The following NEGR1 variants were observed in gnomAD, a reference collection of about 807,000 sequenced individuals.
NEGR1 encodes the protein IgLON family member 4.
NEGR1 carries 10 observed loss-of-function variants against 40.9 expected under a neutral mutation model. That is an observed-to-expected ratio of 0.24 (90% CI 0.15 to 0.42). NEGR1 has a LOEUF of 0.42. Ranked by LOEUF, NEGR1 falls within the 10% of genes least tolerant of loss-of-function variation. The pLI, the probability that NEGR1 is intolerant of heterozygous loss-of-function variation, is 1.00. For synonymous variants in NEGR1, 185 were observed against 166.8 expected, an observed-to-expected ratio of 1.11 and a Z score of -0.84; for missense variants, 352 against 438.9, an observed-to-expected ratio of 0.80 and a Z score of 1.77.
intron 2 of NEGR1, among the ~76,000 whole-genome samples, chr1:71,903,897 C>T (rs777263548): frequency 6.6e-6 from 1 of 151,726 alleles, no homozygotes; most frequent in Non-Finnish European, 1.5e-5. Flanking sequence ...AATGCTATTA[C>T]TTGACTTTAA....
At position 72,016,115 on chromosome 1, in the gene NEGR1, T is replaced by C. The variant is rs563730471; in HGVS notation, c.177-80804A>G. ...TTTTTAACTTAATTTTTTTTTGTTG[T>C]TCAGTCACTGATAGGTTTGAATCCC... On this transcript the variant is annotated intron_variant, in intron 1 of 6. Transcript: ENST00000357731. 3.3e-5 allele frequency among the ~76,000 whole-genome samples: 5 copies of C among 152,274 alleles called. 1 individual carries two copies. In the South Asian group the frequency reaches 1.0e-3, roughly 32 times the overall value.
At chr1:71,999,862 C>T (rs988813582) in intron 1 of NEGR1, among the ~76,000 whole-genome samples, 2 of 150,662 alleles carry the variant, frequency 1.3e-5, no homozygotes, top group Admixed American at 6.7e-5. Context: ...GAACATTTTG[C>T]TTCTATTTTC....
At chr1:72,173,158 C>T (rs1652024409) in intron 1 of NEGR1, among the ~76,000 whole-genome samples, 1 of 150,892 alleles carries the variant, frequency 6.6e-6, no homozygotes, top group South Asian at 2.1e-4. Flanking sequence ...AGGTGTGTGC[C>T]AGCACACCTG....
intron 1 of NEGR1, among the ~76,000 whole-genome samples, chr1:72,139,695 G>A (rs1462461234): frequency 1.3e-5 from 2 of 152,014 alleles, no homozygotes; most frequent in Non-Finnish European, 2.9e-5. Flanking sequence ...AAGTCGATCA[G>A]TGTTTAACTG....
chr1:71,751,062 T>A (rs374860598), intron 3 of NEGR1, among the ~76,000 whole-genome samples: 45 of 152,188 alleles, frequency 3.0e-4, no homozygotes, highest in African/African-American at 1.0e-3. Flanking sequence ...ATATTTGGTA[T>A]GAATCTATCA....
chr1:72,157,388 C>T (rs1651399932), intron 1 of NEGR1, among the ~76,000 whole-genome samples: 1 of 152,134 alleles, frequency 6.6e-6, no homozygotes, highest in Admixed American at 6.6e-5. Flanking sequence ...ATAAAAGATA[C>T]ATTTAGTATA....
intron 4 of NEGR1, among the ~76,000 whole-genome samples, chr1:71,664,004 A>G (rs1400544045): frequency 1.3e-5 from 2 of 152,156 alleles, no homozygotes; most frequent in East Asian, 3.9e-4. Flanking sequence ...ACGTGCTGGG[A>G]TCCTTAAATG....
intron 1 of NEGR1, among the ~76,000 whole-genome samples, chr1:71,978,498 A>C (rs1358788690): frequency 6.6e-6 from 1 of 152,110 alleles, no homozygotes; most frequent in Admixed American, 6.6e-5. Flanking sequence ...GCTACCTAAC[A>C]ACTACCAAAC....
chr1:72,080,829 A>G (rs1021285470), intron 1 of NEGR1, among the ~76,000 whole-genome samples: 48 of 152,242 alleles, frequency 3.2e-4, no homozygotes, highest in African/African-American at 1.1e-3. Context: ...AATTGTATGT[A>G]TACTCAAATT....
rs1475341609 is a variant in NEGR1 at position 71,688,325 on chromosome 1, T to TATATATAGATAGATAG, written c.667+9682_667+9683insCTATCTATCTATATAT. Among the ~76,000 whole-genome samples the TATATATAGATAGATAG allele has an allele frequency of 1.9e-5, 2 of 103,234 alleles. 1 individual carries two copies. Among genetic ancestry groups the TATATATAGATAGATAG allele is most frequent in the Non-Finnish European group, 3.8e-5 (2 of 52,460 alleles). 67.7% of individuals were successfully genotyped at this position (103,234 alleles called of 152,430 possible). A position where few individuals can be genotyped will look rare whatever the true frequency, so the allele number is the denominator to read the frequency against. On this transcript the variant is annotated intron_variant, in intron 4 of 6. Transcript: ENST00000357731. Reference sequence around the variant, plus strand: ...TTCCCTTTTCATATATATATATATATATAGATAGATAGATAGATAGATAGA... The same window carrying TATATATAGATAGATAG: ...TTCCCTTTTCATATATATATATATATATATATAGATAGATAGATAGATAGATAGATAGATAGATAGA...
At chr1:72,119,359 T>C (rs144446074) in intron 1 of NEGR1, among the ~76,000 whole-genome samples, 30 of 152,050 alleles carry the variant, frequency 2.0e-4, no homozygotes, top group African/African-American at 7.0e-4. Context: ...TTTTCTTTTG[T>C]TTCTAATTGA....
chr1:72,066,376 C>T (rs1647272280), intron 1 of NEGR1, among the ~76,000 whole-genome samples: 1 of 152,130 alleles, frequency 6.6e-6, no homozygotes, highest in African/African-American at 2.4e-5. Context: ...TCTAAATATA[C>T]AGAATTAGTC....
intron 3 of NEGR1, among the ~76,000 whole-genome samples, chr1:71,748,946 A>G (rs1436832273): frequency 6.6e-6 from 1 of 152,148 alleles, no homozygotes; most frequent in Non-Finnish European, 1.5e-5. Context: ...CACAAGGAGA[A>G]TGAAGTCAAA....
intron 2 of NEGR1, among the ~76,000 whole-genome samples, chr1:71,849,899 T>A (rs574656579): frequency 6.6e-6 from 1 of 152,148 alleles, no homozygotes; most frequent in South Asian, 2.1e-4. Context: ...CTCTACAATA[T>A]AGTGTAAATA....
At chr1:71,439,101 C>T (rs578200087) in intron 6 of NEGR1, among the ~76,000 whole-genome samples, 1 of 152,146 alleles carries the variant, frequency 6.6e-6, no homozygotes, top group Non-Finnish European at 1.5e-5. Flanking sequence ...CTCTAATCTT[C>T]CCTTCTGATT....
intron 1 of NEGR1, among the ~76,000 whole-genome samples, chr1:72,157,851 T>C (rs1014347610): frequency 6.6e-5 from 10 of 152,146 alleles, no homozygotes; most frequent in African/African-American, 2.2e-4. Flanking sequence ...GTCAACCTGA[T>C]AGACAAAATT....
chr1:71,762,991 G>T (rs1279301741), intron 3 of NEGR1, among the ~76,000 whole-genome samples: 1 of 151,858 alleles, frequency 6.6e-6, no homozygotes, highest in Non-Finnish European at 1.5e-5. Flanking sequence ...ATGAACCTTA[G>T]AACACCAGGA....
intron 5 of NEGR1, among the ~76,000 whole-genome samples, chr1:71,610,175 A>C (rs1650208115): frequency 6.6e-6 from 1 of 152,202 alleles, no homozygotes; most frequent in African/African-American, 2.4e-5. Flanking sequence ...CCCCCTACAT[A>C]TATGTTGTAC....
chr1:71,762,937 AT>A (rs1360137561), intron 3 of NEGR1, among the ~76,000 whole-genome samples: 1 of 152,154 alleles, frequency 6.6e-6, no homozygotes, highest in African/African-American at 2.4e-5. Flanking sequence ...CCATAAAAGA[AT>A]TGCCAGAAAA....
Sources: allele counts gnomAD v4.1 joint callset (sites outside exome capture counted in the v4.1 genomes callset), GRCh38; gene constraint gnomAD v4.1.1; transcripts MANE v1.5; gene names NCBI Gene and HGNC (gene_info 2026-07-23, HGNC 2026-07-21).